Variants in VTI1A observed in about 807,000 individuals in gnomAD.
VTI1A encodes vesicle transport through interaction with t-SNAREs 1A.
VTI1A carries 22 observed loss-of-function variants against 34.9 expected under a neutral mutation model. The ratio of observed to expected loss-of-function variants is 0.63; its 90% CI spans 0.45 to 0.90. VTI1A has a LOEUF of 0.90. Among genes scored for constraint, VTI1A ranks in the 40% least tolerant of loss-of-function variants. VTI1A has a pLI of 0.00. For synonymous variants in VTI1A, 87 were observed against 97.3 expected, an observed-to-expected ratio of 0.89 and a Z score of 0.62; for missense variants, 268 against 275.6, an observed-to-expected ratio of 0.97 and a Z score of 0.20.
At chr10:112,601,201 C>G (rs906893252) in intron 5 of VTI1A, among the ~76,000 whole-genome samples, 1 of 151,992 alleles carries the variant, frequency 6.6e-6, no homozygotes, top group Admixed American at 6.6e-5. Context: ...AAGGGAAAAG[C>G]ATTCTGGGTG....
chr10:112,761,109 C>T (rs924531119), intron 7 of VTI1A, among the ~76,000 whole-genome samples: 1 of 152,142 alleles, frequency 6.6e-6, no homozygotes, highest in African/African-American at 2.4e-5. Flanking sequence ...TACTCAGGCT[C>T]ATGCATACCA....
chr10:112,631,508 C>T (rs145602824), intron 5 of VTI1A, among the ~76,000 whole-genome samples: 1,727 of 152,298 alleles, frequency 0.011, 9 homozygotes, highest in Non-Finnish European at 0.019. Flanking sequence ...CAAATGGAAT[C>T]CTACAACATG....
chr10:112,611,737 A>ATTTTTTTTTTTTTTTTTTTTTTTTTTTT lies in VTI1A; in HGVS notation c.428-56459_428-56458insTTTTTTTTTTTTTTTTTTTTTTTTTTTT, dbSNP rs3057346. On this transcript the variant is annotated intron_variant, in intron 5 of 7. Coordinates refer to ENST00000393077, the MANE Select transcript of VTI1A (RefSeq NM_145206.4). ...TAAAGCCCATTTGGTGAGAAAGGTAATTTTTTTTTTTTTTTTTTTTTTGTG... is the reference window on the plus strand; with the variant it reads ...TAAAGCCCATTTGGTGAGAAAGGTAATTTTTTTTTTTTTTTTTTTTTTTTTTTTTTTTTTTTTTTTTTTTTTTTTTGTG... 4.5e-4 allele frequency among the ~76,000 whole-genome samples: 45 copies of ATTTTTTTTTTTTTTTTTTTTTTTTTTTT among 100,802 alleles called. 3 individuals are homozygous for ATTTTTTTTTTTTTTTTTTTTTTTTTTTT. Among genetic ancestry groups the ATTTTTTTTTTTTTTTTTTTTTTTTTTTT allele is most frequent in the Non-Finnish European group, 6.1e-4 (32 of 52,148 alleles). 66.1% of individuals were successfully genotyped at this position (100,802 alleles called of 152,430 possible).
the VTI1A span, among the ~76,000 whole-genome samples, chr10:112,830,769 C>T: frequency 7.0e-6 from 1 of 141,856 alleles, no homozygotes; most frequent in Admixed American, 7.3e-5. Flanking sequence ...CAGGCATTAG[C>T]TTCAAGTTCC....
chr10:112,550,042 A>G (rs1478135991), intron 5 of VTI1A, among the ~76,000 whole-genome samples: 3 of 152,194 alleles, frequency 2.0e-5, no homozygotes, highest in Non-Finnish European at 4.4e-5. Context: ...AGGTAGTCCA[A>G]GTGAATTCAT....
At chr10:112,558,613 G>A (rs1851612686) in intron 5 of VTI1A, among the ~76,000 whole-genome samples, 1 of 152,180 alleles carries the variant, frequency 6.6e-6, no homozygotes, top group African/African-American at 2.4e-5. Context: ...GACCTGGCCT[G>A]TGCAGCTTTG....
At chr10:112,736,892 A>T in intron 7 of VTI1A, 1 of 727,540 alleles carries the variant, frequency 1.4e-6, no homozygotes, top group Non-Finnish European at 2.4e-6. Context: ...TGGTGGAAGT[A>T]TTTATAGATG....
intron 7 of VTI1A, among the ~76,000 whole-genome samples, chr10:112,736,541 G>A (rs746923302): frequency 2.6e-5 from 4 of 152,104 alleles, no homozygotes; most frequent in Non-Finnish European, 4.4e-5. Context: ...TGGGACAAGC[G>A]CAGAGTTAAG....
chr10:112,831,441 G>T, the VTI1A span: 52,593 of 152,054 alleles, frequency 0.35, 9,614 homozygotes, highest in East Asian at 0.58. Flanking sequence ...GTGGACAGAC[G>T]GCTGCCTTGG....
chr10:112,838,932 A>G, the VTI1A span, among the ~76,000 whole-genome samples: 1 of 152,176 alleles, frequency 6.6e-6, no homozygotes, highest in Admixed American at 6.5e-5. Flanking sequence ...ATTTGACCAG[A>G]TCCAGTCAGT....
At chr10:112,490,997 GT>G (rs1275352024) in intron 3 of VTI1A, among the ~76,000 whole-genome samples, 5 of 151,464 alleles carry the variant, frequency 3.3e-5, no homozygotes, top group Admixed American at 2.0e-4. Context: ...TTTCTGTGGT[GT>G]TTCTGCAAGT....
chr10:112,662,714 T>G (rs1847504571), intron 5 of VTI1A, among the ~76,000 whole-genome samples: 1 of 152,166 alleles, frequency 6.6e-6, no homozygotes, highest in South Asian at 2.1e-4. Context: ...TTTTATAGTA[T>G]TCCACACACT....
At chr10:112,628,634 G>C (rs1369383073) in intron 5 of VTI1A, among the ~76,000 whole-genome samples, 1 of 152,116 alleles carries the variant, frequency 6.6e-6, no homozygotes, top group Non-Finnish European at 1.5e-5. Context: ...TCCAGTTTGA[G>C]TTTGTTTATT....
chr10:112,665,436 T>C (rs1032884351), intron 5 of VTI1A, among the ~76,000 whole-genome samples: 1 of 152,094 alleles, frequency 6.6e-6, no homozygotes, highest in Non-Finnish European at 1.5e-5. Flanking sequence ...AAGTTAGAAA[T>C]GAAAAAAGAA....
intron 7 of VTI1A, chr10:112,737,886 C>A: frequency 9.4e-7 from 1 of 1,062,602 alleles, no homozygotes; most frequent in Non-Finnish European, 1.1e-6. Flanking sequence ...GGATCGATGC[C>A]TTTCAGCGAG....
At chr10:112,842,873 G>A in the VTI1A span, among the ~76,000 whole-genome samples, 63 of 152,154 alleles carry the variant, frequency 4.1e-4, no homozygotes, top group Non-Finnish European at 8.8e-4. Flanking sequence ...AGCCACTCTG[G>A]GTATTCCAAG....
At chr10:112,610,873 C>T (rs1845278779) in intron 5 of VTI1A, among the ~76,000 whole-genome samples, 2 of 151,876 alleles carry the variant, frequency 1.3e-5, no homozygotes, top group Non-Finnish European at 2.9e-5. Context: ...GAGCTGAGAT[C>T]GCGCCACTGC....
chr10:112,563,067 A>C (rs1162613351), intron 5 of VTI1A, among the ~76,000 whole-genome samples: 1 of 152,162 alleles, frequency 6.6e-6, no homozygotes, highest in Non-Finnish European at 1.5e-5. Context: ...ACAAAATGGG[A>C]TGTGGGAAAA....
At chr10:112,645,694 C>G (rs529401423) in intron 5 of VTI1A, among the ~76,000 whole-genome samples, 1 of 152,304 alleles carries the variant, frequency 6.6e-6, no homozygotes, top group East Asian at 1.9e-4. Context: ...TAAATAACTT[C>G]TAAAACGCTC....
Sources: gnomAD v4.1 joint callset for allele counts (sites outside exome capture counted in the v4.1 genomes callset) on GRCh38, gnomAD v4.1.1 for gene constraint, MANE v1.5 for transcripts, NCBI Gene and HGNC (gene_info 2026-07-23, HGNC 2026-07-21) for gene names.